Variants in BLMH observed in about 807,000 individuals in gnomAD.
The protein encoded by BLMH is bleomycin hydrolase, also known as BLM hydrolase.
A neutral mutation model predicts 61.6 loss-of-function variants in BLMH; 32 were observed. The observed-to-expected ratio is 0.52, with a 90% confidence interval of 0.39 to 0.70. The LOEUF (loss-of-function observed/expected upper bound fraction) is 0.70. Among genes scored for constraint, BLMH ranks in the 30% least tolerant of loss-of-function variants. The probability of loss-of-function intolerance (pLI) is 0.00; values close to 1 mark genes in which losing one functional copy is unlikely to be tolerated. For synonymous variants in BLMH, 183 were observed against 193.8 expected (o/e 0.94, Z 0.46); for missense variants, 460 against 555.5 (o/e 0.83, Z 1.73).
intron 11 of BLMH, chr17:30,250,246 A>G (rs774080918): frequency 2.6e-5 from 4 of 152,240 alleles, no homozygotes; most frequent in Admixed American, 2.0e-4. Flanking sequence ...TAATTAAACT[A>G]AAAGGCTTCT....
At chr17:30,288,652 T>C (rs1414041713) in intron 3 of BLMH, among the ~76,000 whole-genome samples, 1 of 152,050 alleles carries the variant, frequency 6.6e-6, no homozygotes, top group Non-Finnish European at 1.5e-5. Flanking sequence ...AGGTCAGTAA[T>C]ATACATTTTG....
intron 6 of BLMH, 90 bp downstream of exon 6, chr17:30,285,298 A>T: frequency 1.1e-6 from 1 of 903,102 alleles, no homozygotes; most frequent in Non-Finnish European, 1.7e-6. Context: ...CGTTGCCATG[A>T]CTAAAGCTTC....
At chr17:30,260,448 C>T (rs557867748) in intron 11 of BLMH, among the ~76,000 whole-genome samples, 1 of 152,318 alleles carries the variant, frequency 6.6e-6, no homozygotes, top group East Asian at 1.9e-4. Flanking sequence ...ATAATGATAG[C>T]CCTCTCTTAG....
At chr17:30,290,254 C>T (rs562170389) in intron 2 of BLMH, among the ~76,000 whole-genome samples, 17 of 152,300 alleles carry the variant, frequency 1.1e-4, no homozygotes, top group African/African-American at 3.9e-4. Flanking sequence ...AACTACACAA[C>T]TCACATGCTA....
rs1050562 is a variant in BLMH, at chr17:30,272,819, T to C, written c.882A>G (p.Gly294=). The change falls in exon 8 of 12, where the codon GGA becomes GGG. Residue 294 remains glycine, a synonymous_variant. Coordinates refer to ENST00000261714, the MANE Select transcript of BLMH (RefSeq NM_000386.4). Reference sequence around the variant, plus strand: ...GGTTGTTGTATAGAGTTTTTCTCCCTCCAACCATATTGCTTAAGTATTCCA... The same window carrying C: ...GGTTGTTGTATAGAGTTTTTCTCCCCCCAACCATATTGCTTAAGTATTCCA... ...YTVEYLSNMV[G]GRKTLYNNQP... 1 of 1,614,072 alleles carries C rather than the reference T, an allele frequency of 6.2e-7. No homozygotes were observed.
intron 2 of BLMH, among the ~76,000 whole-genome samples, chr17:30,290,101 T>A (rs1332782903): frequency 6.6e-6 from 1 of 152,220 alleles, no homozygotes; most frequent in Non-Finnish European, 1.5e-5. Flanking sequence ...TCTAGTTAAC[T>A]ATAGTGTTTT....
chr17:30,270,743 T>C (rs952621335), intron 10 of BLMH, among the ~76,000 whole-genome samples: 1 of 152,196 alleles, frequency 6.6e-6, no homozygotes, highest in Non-Finnish European at 1.5e-5. Context: ...CTATAACCTA[T>C]AAAAAGTGGT....
intron 11 of BLMH, among the ~76,000 whole-genome samples, chr17:30,252,682 G>A (rs1394947099): frequency 1.3e-5 from 2 of 152,042 alleles, no homozygotes; most frequent in South Asian, 4.1e-4. Flanking sequence ...GGAGTGCTCT[G>A]TAAAAGTGTT....
chr17:30,279,036 T>C (rs561986187), intron 6 of BLMH, among the ~76,000 whole-genome samples: 32 of 152,268 alleles, frequency 2.1e-4, no homozygotes, highest in African/African-American at 7.7e-4. Context: ...GGGGTGGACT[T>C]GGAATATGGG....
Position 30,284,328 on chromosome 17 carries a change from G to A in BLMH, c.645+1060C>T, listed in dbSNP as rs116884396. Among the ~76,000 whole-genome samples, 414 of 152,320 alleles carry A rather than the reference G, an allele frequency of 2.7e-3. 3 individuals carry two copies. Among genetic ancestry groups the A allele is most frequent in the Middle Eastern group, 0.014 (4 of 294 alleles). On this transcript the variant is annotated intron_variant, in intron 6 of 11. Transcript: ENST00000261714. The stretch of plus-strand genomic sequence containing the variant: ...CTTGTCCCAGGATATAAAGTAATGA[G>A]AAGACTAGAGCTCAGATAGCCTGAC...
chr17:30,251,037 G>T (rs1194665938), intron 11 of BLMH, among the ~76,000 whole-genome samples: 2 of 152,194 alleles, frequency 1.3e-5, no homozygotes, highest in East Asian at 3.8e-4. Context: ...GCTAAACTAT[G>T]AGGATGCAAA....
chr17:30,267,350 T>C (rs1011815909), intron 10 of BLMH, among the ~76,000 whole-genome samples: 4 of 152,202 alleles, frequency 2.6e-5, no homozygotes, highest in East Asian at 3.8e-4. Context: ...TCAATCAATA[T>C]TGATTAAAGC....
In BLMH at chr17:30,248,567, C is replaced by T. The variant is rs1277382405; in HGVS notation, c.*450G>A. The T allele has an allele frequency of 6.5e-6, 1 of 154,800 alleles. No individual in the cohort carries two copies. The highest frequency in any genetic ancestry group is 1.9e-4 in the East Asian group (1 of 5,208). The allele number at this position is 154,800 out of a possible 1,614,324, so 9.6% of individuals were successfully genotyped here. ...CTGCCATCTAGGAAAGACAGTGATACTGTCCAGCAGCATGCAGTTCCGAGA... is the reference window on the plus strand; with the variant it reads ...CTGCCATCTAGGAAAGACAGTGATATTGTCCAGCAGCATGCAGTTCCGAGA... On this transcript the variant is annotated 3_prime_UTR_variant, in exon 12 of 12. Coordinates refer to ENST00000261714, the MANE Select transcript of BLMH (RefSeq NM_000386.4).
At chr17:30,285,184 C>T (rs7342929) in intron 6 of BLMH, among the ~76,000 whole-genome samples, 3 of 151,934 alleles carry the variant, frequency 2.0e-5, no homozygotes, top group East Asian at 3.9e-4. Context: ...CACTAAACTA[C>T]GAATTAGAAA....
rs189598890 is a variant in BLMH at position 30,250,996 on chromosome 17, A to G, written c.1217-1828T>C. ...AAGTAACTCAGGAATGGAAAACCAA[A>G]TATCATATGTTCTCACTTATATAAG... On this transcript the variant is annotated intron_variant, in intron 11 of 11. Coordinates refer to ENST00000261714, the MANE Select transcript of BLMH (RefSeq NM_000386.4). Among the ~76,000 whole-genome samples, 668 of 152,366 alleles carry G rather than the reference A, an allele frequency of 4.4e-3. 3 individuals are homozygous for G. The highest frequency in any genetic ancestry group is 7.8e-3 in the Non-Finnish European group (531 of 68,038).
Position 30,291,901 on chromosome 17 carries a change from T to A in BLMH, c.-82A>T. 1.6e-6 allele frequency: 2 copies of A among 1,261,210 alleles called. No individual in the cohort carries two copies. Among genetic ancestry groups the A allele is most frequent in the Non-Finnish European group, 2.0e-6 (2 of 1,001,024 alleles). The allele number at this position is 1,261,210 out of a possible 1,614,324, so 78.1% of individuals were successfully genotyped here. A position where few individuals can be genotyped will look rare whatever the true frequency, so the allele number is the denominator to read the frequency against. ...CGGGATTGCGCTGCGGCTCGCTGCCTAGGGGGCCCGACCTGTCTCTCGCAC... is the reference window on the plus strand; with the variant it reads ...CGGGATTGCGCTGCGGCTCGCTGCCAAGGGGGCCCGACCTGTCTCTCGCAC... On this transcript the variant is annotated 5_prime_UTR_variant, in exon 1 of 12. Transcript: ENST00000261714.
chr17:30,266,630 A>G (rs1908118107), intron 11 of BLMH, among the ~76,000 whole-genome samples: 1 of 152,168 alleles, frequency 6.6e-6, no homozygotes, highest in South Asian at 2.1e-4. Context: ...AGCGGTCTAC[A>G]AAGAGGGGAG....
chr17:30,281,195 C>T (rs1346140297), intron 6 of BLMH, among the ~76,000 whole-genome samples: 2 of 150,176 alleles, frequency 1.3e-5, no homozygotes, highest in Admixed American at 6.7e-5. Flanking sequence ...TAAAAAGGTA[C>T]ACTCTAAAAG....
At chr17:30,266,217 T>C (rs973004455) in intron 11 of BLMH, among the ~76,000 whole-genome samples, 1 of 152,008 alleles carries the variant, frequency 6.6e-6, no homozygotes, top group Admixed American at 6.6e-5. Context: ...CTTTCTAGAG[T>C]ACTGATGTAG....
Sources: allele counts gnomAD v4.1 joint callset (sites outside exome capture counted in the v4.1 genomes callset), GRCh38; gene constraint gnomAD v4.1.1; transcripts MANE v1.5; gene names NCBI Gene and HGNC (gene_info 2026-07-23, HGNC 2026-07-21).